MYOZ1: variants seen among roughly 807,000 people sequenced by gnomAD.
The protein encoded by MYOZ1 is myozenin 1.
A neutral mutation model predicts 28.7 loss-of-function variants in MYOZ1; 20 were observed. The ratio of observed to expected loss-of-function variants is 0.70; its 90% CI spans 0.49 to 1.01. MYOZ1 has a LOEUF of 1.01. Ranked by LOEUF, MYOZ1 falls within the 50% of genes least tolerant of loss-of-function variation. The pLI, the probability that MYOZ1 is intolerant of heterozygous loss-of-function variation, is 0.00. For missense variants in MYOZ1, 371 were observed against 372.4 expected (o/e 1.00, Z 0.03); for synonymous variants, 144 against 145.8 (o/e 0.99, Z 0.09).
At chr10:73,632,852 G>A (rs1008093725) in intron 5 of MYOZ1, among the ~76,000 whole-genome samples, 3 of 151,874 alleles carry the variant, frequency 2.0e-5, no homozygotes, top group African/African-American at 7.3e-5. Context: ...TGGATAGCCT[G>A]GCTAAGAGTA....
chr10:73,638,586 G>A (rs537517753), intron 2 of MYOZ1, among the ~76,000 whole-genome samples: 8 of 151,380 alleles, frequency 5.3e-5, no homozygotes, highest in South Asian at 2.1e-4. Flanking sequence ...TACCAGCCAC[G>A]GCCTCCCAAA....
chr10:73,635,213 C>T (rs1038035449), intron 3 of MYOZ1, among the ~76,000 whole-genome samples: 2 of 152,092 alleles, frequency 1.3e-5, no homozygotes, highest in East Asian at 1.9e-4. Flanking sequence ...CGTTAGCCAC[C>T]GCACCCAGCC....
In MYOZ1 at chr10:73,634,689, G is replaced by A. The variant is rs780759330; in HGVS notation, c.297C>T (p.Gly99=). ...TGTATGAGAATCCCTGACCAGCTGTGCCCAGCTGTCCCCCCACTGTTGGAA... is the reference window on the plus strand; with the variant it reads ...TGTATGAGAATCCCTGACCAGCTGTACCCAGCTGTCCCCCCACTGTTGGAA... ...KFLPTVGGQL[G]TAGQGFSYSK... Residue 99 remains glycine (G), a synonymous_variant, in exon 4 of 6, where the codon GGC becomes GGT. Coordinates refer to ENST00000359322, the MANE Select transcript of MYOZ1 (RefSeq NM_021245.4). The A allele has an allele frequency of 1.8e-5, 29 of 1,614,080 alleles. No homozygotes were observed. Among genetic ancestry groups the A allele is most frequent in the Non-Finnish European group, 1.4e-5 (17 of 1,180,038 alleles).
intron 5 of MYOZ1, among the ~76,000 whole-genome samples, chr10:73,632,931 A>G (rs2132404446): frequency 6.6e-6 from 1 of 152,262 alleles, no homozygotes; most frequent in Non-Finnish European, 1.5e-5. Context: ...GCTCTTCCCT[A>G]TCCTTTCACA....
chr10:73,634,475 T>C lies in MYOZ1; in HGVS notation c.502+9A>G. ...ACCAAACACATTACTCTTGGGTGAG[T>C]GTACTTGCCTGATCCTGTCTCACCA... is the stretch of plus-strand genomic sequence containing the variant. On this transcript the variant is annotated intron_variant, in intron 4 of 5. Transcript: ENST00000359322. 1 of 1,613,644 alleles carries C rather than the reference T, an allele frequency of 6.2e-7. No individual in the cohort carries two copies. The highest frequency in any genetic ancestry group is 8.5e-7 in the Non-Finnish European group (1 of 1,179,872).
At chr10:73,641,249 T>C (rs886179120) in intron 1 of MYOZ1, among the ~76,000 whole-genome samples, 162 bp downstream of exon 1, 3 of 151,428 alleles carry the variant, frequency 2.0e-5, no homozygotes, top group Non-Finnish European at 4.4e-5. Flanking sequence ...CCCCTCTCCT[T>C]CCAACTCTCC....
In MYOZ1 at chr10:73,640,045, G is replaced by T. The variant is rs748069306; in HGVS notation, c.-18-10C>A. 5 of 1,609,780 alleles carry T rather than the reference G, an allele frequency of 3.1e-6. No homozygotes were observed. The highest frequency in any genetic ancestry group is 4.2e-6 in the Non-Finnish European group (5 of 1,176,600). ...TGGAGGTGGATTCAGCCTGGACAGG[G>T]TGGGAAGGAGGAGTTGGTGGATGGA... On this transcript the variant is annotated splice_polypyrimidine_tract_variant and intron_variant, in intron 1 of 5. Coordinates refer to ENST00000359322, the MANE Select transcript of MYOZ1 (RefSeq NM_021245.4).
Position 73,637,764 on chromosome 10 carries a change from C to T in MYOZ1, c.232G>A (p.Val78Ile). ...EKFIYENHPD[V>I]FSDSSMDHFQ... ...CTCACCATTGAGCTGTCAGAGAAAA[C>T]ATCAGGGTGGTTCTCATAAATAAAC... The change falls in exon 3 of 6, where the codon GTT becomes ATT. Residue 78 changes from valine to isoleucine, a missense_variant. Val to Ile is a conservative substitution (Grantham distance 29). Transcript: ENST00000359322. The T allele has an allele frequency of 6.2e-7, 1 of 1,613,640 alleles. No individual in the cohort carries two copies.
In MYOZ1 at chr10:73,632,160, T is replaced by G; in HGVS notation, c.670A>C (p.Thr224Pro). Residue 224 changes from threonine to proline, a missense_variant and splice_region_variant, in exon 6 of 6, where the codon ACG becomes CCG. Thr to Pro is a conservative substitution (Grantham distance 38). Transcript: ENST00000359322. ...ELPKYKSFNR[T>P]AMPYGGYEKA... ...TCATATCCACCATAGGGCATTGCCGTCCTGAGAAGGGGACACATTATTTAA... is the reference window on the plus strand; with the variant it reads ...TCATATCCACCATAGGGCATTGCCGGCCTGAGAAGGGGACACATTATTTAA... 1 of 1,613,188 alleles carries G rather than the reference T, an allele frequency of 6.2e-7. No homozygotes were observed. Among genetic ancestry groups the G allele is most frequent in the Non-Finnish European group, 8.5e-7 (1 of 1,179,184 alleles).
At chr10:73,638,435 C>A (rs1256754221) in intron 2 of MYOZ1, among the ~76,000 whole-genome samples, 3 of 149,434 alleles carry the variant, frequency 2.0e-5, no homozygotes, top group African/African-American at 7.4e-5. Context: ...CAGGTTCAAG[C>A]AATTCTCCTG....
chr10:73,635,830 G>A (rs868743500), intron 3 of MYOZ1, among the ~76,000 whole-genome samples: 46 of 152,186 alleles, frequency 3.0e-4, no homozygotes, highest in Middle Eastern at 3.4e-3. Context: ...TCCTCTTGGT[G>A]CCTGTTGGAC....
intron 5 of MYOZ1, among the ~76,000 whole-genome samples, chr10:73,632,625 CA>C (rs989769599): frequency 3.3e-4 from 48 of 147,384 alleles, no homozygotes; most frequent in African/African-American, 7.9e-4. Flanking sequence ...ACCCCCCCCC[CA>C]AAAAAAAATT....
intron 5 of MYOZ1, 41 bp downstream of exon 5, chr10:73,633,859 T>C (rs755969252): frequency 3.2e-6 from 5 of 1,558,398 alleles, no homozygotes; most frequent in South Asian, 2.4e-5. Context: ...ACACAGTGCC[T>C]CACACTAGAA....
intron 2 of MYOZ1, among the ~76,000 whole-genome samples, chr10:73,638,262 C>T (rs965622836): frequency 2.8e-4 from 42 of 150,868 alleles, no homozygotes; most frequent in African/African-American, 9.5e-4. Context: ...ACCCAGAGGC[C>T]AATCTTGTGT....
chr10:73,637,718 A>G, intron 3 of MYOZ1, 26 bp downstream of exon 3: 4 of 1,593,652 alleles, frequency 2.5e-6, no homozygotes, highest in Non-Finnish European at 2.6e-6. Context: ...CCAGGCTTTG[A>G]GATAGTGATA....
intron 1 of MYOZ1, among the ~76,000 whole-genome samples, chr10:73,640,711 A>G (rs1233943553): frequency 1.3e-5 from 2 of 152,184 alleles, no homozygotes; most frequent in South Asian, 4.1e-4. Flanking sequence ...TTGCACTGGG[A>G]TATCAGACTG....
chr10:73,638,711 G>A (rs2081684705), intron 2 of MYOZ1, among the ~76,000 whole-genome samples: 1 of 148,484 alleles, frequency 6.7e-6, no homozygotes, highest in Non-Finnish European at 1.5e-5. Flanking sequence ...CTGTCTCCCA[G>A]GCTGAAGTGC....
intron 3 of MYOZ1, among the ~76,000 whole-genome samples, chr10:73,635,048 C>T (rs979318668): frequency 6.6e-5 from 10 of 152,008 alleles, no homozygotes; most frequent in South Asian, 2.1e-4. Context: ...CTCAGCCTCC[C>T]GAGTAGCTGG....
intron 3 of MYOZ1, among the ~76,000 whole-genome samples, chr10:73,637,368 T>C (rs2081673383): frequency 1.3e-5 from 2 of 152,226 alleles, no homozygotes; most frequent in Admixed American, 6.5e-5. Flanking sequence ...GTCCCAAATA[T>C]TGCATGGAGC....
Sources: gnomAD v4.1 joint callset for allele counts (sites outside exome capture counted in the v4.1 genomes callset) on GRCh38, gnomAD v4.1.1 for gene constraint, MANE v1.5 for transcripts, NCBI Gene and HGNC (gene_info 2026-07-23, HGNC 2026-07-21) for gene names.